Variants in DLC1 observed in about 807,000 individuals in gnomAD.
DLC1 encodes the protein DLC1 Rho GTPase activating protein, also known as rho GTPase-activating protein 7.
A neutral mutation model predicts 140.3 loss-of-function variants in DLC1; 54 were observed. The ratio of observed to expected loss-of-function variants is 0.38; its 90% confidence interval spans 0.31 to 0.48. DLC1 has a LOEUF of 0.48. Ranked by LOEUF, DLC1 falls within the 20% of genes least tolerant of loss-of-function variation. The pLI is 0.96. For synonymous variants in DLC1, 986 were observed against 728.1 expected (o/e 1.35, Z -5.70); for missense variants, 2,536 against 1,907.0 (o/e 1.33, Z -6.14).
At chr8:13,207,410 C>T (rs1303801053) in intron 5 of DLC1, among the ~76,000 whole-genome samples, 9 of 152,100 alleles carry the variant, frequency 5.9e-5, no homozygotes, top group African/African-American at 9.7e-5. Flanking sequence ...TCTACCTTCA[C>T]GGCTTTTAAA....
intron 2 of DLC1, among the ~76,000 whole-genome samples, chr8:13,481,995 G>A (rs1158242439): frequency 6.6e-6 from 1 of 152,114 alleles, no homozygotes; most frequent in Non-Finnish European, 1.5e-5. Context: ...AGAAGCTAGG[G>A]GAGTGTAAAG....
At chr8:13,379,657 T>C (rs1056721901) in intron 4 of DLC1, among the ~76,000 whole-genome samples, 33 of 152,204 alleles carry the variant, frequency 2.2e-4, no homozygotes, top group African/African-American at 7.7e-4. Context: ...TTTATTTTAC[T>C]TCAAGTTCTG....
intron 6 of DLC1, among the ~76,000 whole-genome samples, chr8:13,111,545 C>T (rs868108532): frequency 2.0e-5 from 3 of 152,118 alleles, no homozygotes; most frequent in Non-Finnish European, 2.9e-5. Context: ...GGAAAACAGT[C>T]GACTCAATGG....
chr8:13,401,171 A>G (rs1837277827), intron 3 of DLC1, among the ~76,000 whole-genome samples: 1 of 152,296 alleles, frequency 6.6e-6, no homozygotes, highest in African/African-American at 2.4e-5. Context: ...ATCAGAGAAG[A>G]CTGACAATTA....
chr8:13,289,090 A>C (rs1475110719), intron 5 of DLC1, among the ~76,000 whole-genome samples: 2 of 152,086 alleles, frequency 1.3e-5, no homozygotes, highest in African/African-American at 4.8e-5. Context: ...CCTTTTTCCT[A>C]AGGCATTCGG....
At chr8:13,182,315 T>C (rs1024826524) in intron 5 of DLC1, among the ~76,000 whole-genome samples, 1 of 152,190 alleles carries the variant, frequency 6.6e-6, no homozygotes, top group African/African-American at 2.4e-5. Context: ...GCAGAAGCTC[T>C]TTAGTTTAAT....
chr8:13,364,327 C>G, intron 4 of DLC1, among the ~76,000 whole-genome samples: 1 of 141,708 alleles, frequency 7.1e-6, no homozygotes, highest in East Asian at 2.0e-4. Context: ...TAGATGGAAT[C>G]TTGCTCTGTT....
chr8:13,163,433 C>A (rs939889300), intron 5 of DLC1, among the ~76,000 whole-genome samples: 4 of 151,922 alleles, frequency 2.6e-5, no homozygotes, highest in Non-Finnish European at 4.4e-5. Flanking sequence ...TCTAGGGTTC[C>A]CAGGCATTAA....
Position 13,406,045 on chromosome 8 carries a change from C to T in DLC1, c.1024-4426G>A, listed in dbSNP as rs1216708313. Reference sequence around the variant, plus strand: ...TTTGGGAGATGGAGTCCAGCTCTGTCTCCCAGGCTGGAGTGCAGTGGCACA... The same window carrying T: ...TTTGGGAGATGGAGTCCAGCTCTGTTTCCCAGGCTGGAGTGCAGTGGCACA... On this transcript the variant is annotated intron_variant, in intron 2 of 17. Transcript: ENST00000276297. Among the ~76,000 whole-genome samples the T allele has an allele frequency of 7.0e-5, 10 of 143,562 alleles. No homozygotes were observed. In the East Asian group the frequency reaches 1.4e-3, roughly 20 times the overall value. 94.2% of individuals were successfully genotyped at this position (143,562 alleles called of 152,430 possible). A position where few individuals can be genotyped will look rare whatever the true frequency, so the allele number is the denominator to read the frequency against.
intron 5 of DLC1, among the ~76,000 whole-genome samples, chr8:13,229,516 A>G (rs1356895420): frequency 1.3e-5 from 2 of 152,156 alleles, no homozygotes; most frequent in African/African-American, 2.4e-5. Flanking sequence ...TCCTAAAATT[A>G]CACAACTCCA....
chr8:13,292,893 A>G (rs1404489443), intron 5 of DLC1, among the ~76,000 whole-genome samples: 1 of 152,166 alleles, frequency 6.6e-6, no homozygotes, highest in Non-Finnish European at 1.5e-5. Flanking sequence ...TAGGAGCAGC[A>G]GCATGTGATC....
At chr8:13,373,482 T>G (rs1184619529) in intron 4 of DLC1, among the ~76,000 whole-genome samples, 1 of 152,232 alleles carries the variant, frequency 6.6e-6, no homozygotes, top group Non-Finnish European at 1.5e-5. Context: ...TGTCCTGATC[T>G]GTTCCCTTTC....
intron 4 of DLC1, among the ~76,000 whole-genome samples, chr8:13,348,667 C>T (rs573064572): frequency 1.3e-4 from 20 of 152,080 alleles, no homozygotes; most frequent in Non-Finnish European, 2.4e-4. Flanking sequence ...GCAGATTCAC[C>T]TATCTTAAAG....
chr8:13,224,611 G>A (rs1325091579), intron 5 of DLC1, among the ~76,000 whole-genome samples: 1 of 152,158 alleles, frequency 6.6e-6, no homozygotes, highest in East Asian at 1.9e-4. Flanking sequence ...GGTGAAAGGT[G>A]AATTCTATTC....
intron 5 of DLC1, among the ~76,000 whole-genome samples, chr8:13,255,373 T>G (rs1263607143): frequency 6.6e-6 from 1 of 152,198 alleles, no homozygotes; most frequent in Non-Finnish European, 1.5e-5. Flanking sequence ...TATAAAAGCC[T>G]ATAGCAGTGT....
chr8:13,196,095 T>TACACACACACAC lies in DLC1; in HGVS notation c.1349-80450_1349-80439dup, dbSNP rs59429334. 5.0e-3 allele frequency among the ~76,000 whole-genome samples: 736 copies of TACACACACACAC among 147,130 alleles called. 14 individuals carry two copies. The highest frequency in any genetic ancestry group is 0.031 in the Admixed American group (449 of 14,564). On this transcript the variant is annotated intron_variant, in intron 5 of 17. Coordinates refer to ENST00000276297, the MANE Select transcript of DLC1 (RefSeq NM_182643.3). ...ACCAATGCTCTACATTCTGTATTGA[T>TACACACACACAC]ACACACACACACACACACACACACA...
At chr8:13,536,752 T>C (rs1166209750) in intron 1 of DLC1, among the ~76,000 whole-genome samples, 1 of 152,180 alleles carries the variant, frequency 6.6e-6, no homozygotes, top group Non-Finnish European at 1.5e-5. Flanking sequence ...GGTGTTTTTT[T>C]GAAGAGATAT....
At chr8:13,521,516 T>C (rs1802767453) in intron 1 of DLC1, among the ~76,000 whole-genome samples, 1 of 152,090 alleles carries the variant, frequency 6.6e-6, no homozygotes, top group Non-Finnish European at 1.5e-5. Flanking sequence ...CACCCTCTGC[T>C]CCCCTGGGAT....
chr8:13,500,748 T>C (rs1046123168), intron 1 of DLC1, among the ~76,000 whole-genome samples: 1 of 152,146 alleles, frequency 6.6e-6, no homozygotes, highest in African/African-American at 2.4e-5. Context: ...AGGGAATGAC[T>C]AAGAAACATG....
Sources: gnomAD v4.1 joint callset for allele counts (sites outside exome capture counted in the v4.1 genomes callset) on GRCh38, gnomAD v4.1.1 for gene constraint, MANE v1.5 for transcripts, NCBI Gene and HGNC (gene_info 2026-07-23, HGNC 2026-07-21) for gene names.